The following RABL6 variants were observed in gnomAD, a reference collection of about 807,000 sequenced individuals.
The protein encoded by RABL6 is RAB, member RAS oncogene family like 6, also known as rab-like protein 6.
Under a neutral mutation model 72.9 loss-of-function variants are expected in RABL6, and 28 were observed. That is an observed-to-expected ratio of 0.38 (90% CI 0.28 to 0.53). The LOEUF is 0.53. RABL6 is among the 20% of genes least tolerant of loss of function. RABL6 has a pLI of 0.80. For missense variants in RABL6, 1,029 were observed against 1,008.4 expected (o/e 1.02, Z -0.28); for synonymous variants, 477 against 421.2 (o/e 1.13, Z -1.62).
chr9:136,839,543 G>A, intron 12 of RABL6, 57 bp downstream of exon 12: 2 of 1,572,216 alleles, frequency 1.3e-6, no homozygotes, highest in Non-Finnish European at 1.7e-6. Flanking sequence ...CCCTCCCACA[G>A]GCCTGATCTG....
chr9:136,833,932 C>T, intron 7 of RABL6: 2 of 1,549,390 alleles, frequency 1.3e-6, no homozygotes, highest in Non-Finnish European at 1.7e-6. Flanking sequence ...TAGAGAGCTC[C>T]CCACTGCTCA....
intron 1 of RABL6, chr9:136,821,407 G>GC (rs1848233526): frequency 2.0e-6 from 2 of 985,340 alleles, no homozygotes; most frequent in African/African-American, 1.7e-5. Flanking sequence ...CGCCTGAGCG[G>GC]TGCCGGGGCG....
In RABL6 at chr9:136,839,245, C is replaced by T; in HGVS notation, c.1517C>T (p.Pro506Leu). The change falls in exon 12 of 15, where the codon CCA becomes CTA. Residue 506 changes from proline (P) to leucine (L), a missense_variant. Physicochemically the swap from Pro to Leu is moderately conservative, Grantham distance 98. Around this residue, in one of 2 missense-constraint regions of RABL6, gnomAD observed 595 missense variants for 472.4 expected, o/e 1.26. Transcript: ENST00000311502. The stretch of plus-strand genomic sequence containing the variant: ...AGGTCCTCCATACCAGCTTCGAAGC[C>T]ACGGAGGGGGACAGCTCCCACGAGG... Reference protein sequence around the residue: ...TKWSSIPASKPRRGTAPTRTA... With the variant: ...TKWSSIPASKLRRGTAPTRTA... The T allele has an allele frequency of 1.9e-6, 3 of 1,602,880 alleles. No individual in the cohort carries two copies. Among genetic ancestry groups the T allele is most frequent in the Non-Finnish European group, 2.6e-6 (3 of 1,175,018 alleles).
At chr9:136,833,892 C>G in intron 7 of RABL6, 2 of 1,550,498 alleles carry the variant, frequency 1.3e-6, no homozygotes, top group East Asian at 2.4e-5. Flanking sequence ...CCTGCAGAGC[C>G]GTCCCCTCAT....
intron 1 of RABL6, among the ~76,000 whole-genome samples, chr9:136,815,853 T>C (rs1362883783): frequency 6.6e-6 from 1 of 152,244 alleles, no homozygotes; most frequent in Non-Finnish European, 1.5e-5. Context: ...AATAGAGCTC[T>C]GTGTTTTCTG....
chr9:136,829,307 G>A (rs1041239315), intron 4 of RABL6, 86 bp from the exon 5 acceptor site: 1 of 977,222 alleles, frequency 1.0e-6, no homozygotes. Flanking sequence ...CAGATTAGAA[G>A]ACTATCCAGC....
rs367673247 is a variant in RABL6, at chr9:136,825,514, C to T, written c.266-265C>T. ...AGGGGCCGTGCCCAGGATCGGGGCC[C>T]GGGAGGGAGGGGCCGTGCCCAGGAT... is the stretch of plus-strand genomic sequence containing the variant. On this transcript the variant is annotated intron_variant, in intron 2 of 14. Coordinates refer to ENST00000311502, the MANE Select transcript of RABL6 (RefSeq NM_024718.5). Among the ~76,000 whole-genome samples the T allele has an allele frequency of 6.9e-5, 10 of 144,826 alleles. No individual in the cohort carries two copies. In the East Asian group the frequency reaches 1.4e-3, roughly 20 times the overall value.
chr9:136,815,351 C>T (rs1848098343), intron 1 of RABL6: 2 of 277,246 alleles, frequency 7.2e-6, no homozygotes, highest in Non-Finnish European at 1.5e-5. Context: ...AAACTGTCAC[C>T]TTCTTGGCTG....
chr9:136,809,421 C>A, intron 1 of RABL6: 1 of 313,336 alleles, frequency 3.2e-6, no homozygotes. Flanking sequence ...CACCCAGACA[C>A]CTTTAGCAGT....
rs1463467630 is a variant in RABL6, at chr9:136,823,543, G to C, written c.149G>C (p.Gly50Ala). The change falls in exon 2 of 15, where the codon GGA (glycine) becomes GCA (alanine). Residue 50 changes from glycine (G) to alanine (A), a missense_variant. Physicochemically the swap from Gly to Ala is moderately conservative, Grantham distance 60. This residue lies in a region of RABL6 where 434 missense variants were observed against 536.1 expected (regional missense o/e 0.81). Coordinates refer to ENST00000311502, the MANE Select transcript of RABL6 (RefSeq NM_024718.5). Reference protein sequence around the residue: ...VQYNMKIVIRGDRNTGKTALW... With the variant: ...VQYNMKIVIRADRNTGKTALW... ...TCCCCAGTGAAGATAGTGATCCGGG[G>C]AGACAGGAACACGGGCAAGACAGCG... 2 of 1,613,828 alleles carry C rather than the reference G, an allele frequency of 1.2e-6. No homozygotes were observed. Among genetic ancestry groups the C allele is most frequent in the Non-Finnish European group, 1.7e-6 (2 of 1,179,874 alleles).
intron 2 of RABL6, among the ~76,000 whole-genome samples, chr9:136,824,645 C>CCTTT (rs1848314249): frequency 6.6e-6 from 1 of 151,646 alleles, no homozygotes. Context: ...GTTTTAAACA[C>CCTTT]CTTTCCTTTT....
chr9:136,815,087 T>C, intron 1 of RABL6: 1 of 221,466 alleles, frequency 4.5e-6, no homozygotes, highest in South Asian at 5.5e-5. Flanking sequence ...CTCGTCCTCA[T>C]CCCCTGAGGC....
In RABL6 at chr9:136,840,225, C is replaced by A. The variant is rs1443191483; in HGVS notation, c.1989+13C>A. 1 of 1,612,648 alleles carries A rather than the reference C, an allele frequency of 6.2e-7. No homozygotes were observed. Among genetic ancestry groups the A allele is most frequent in the East Asian group, 2.2e-5 (1 of 44,878 alleles). On this transcript the variant is annotated intron_variant, in intron 14 of 14. Transcript: ENST00000311502. ...AAAAGGCAAAGAGGTACTGGCTACT[C>A]CCCTTCCTGGCAGGCCAGGACTGGG...
In RABL6 at chr9:136,839,211, T is replaced by G; in HGVS notation, c.1494-11T>G. On this transcript the variant is annotated splice_polypyrimidine_tract_variant and intron_variant, in intron 11 of 14. Transcript: ENST00000311502. ...AGAGGACCCTGACTGACCCTCTGCT[T>G]GTCCACAAAGGTCCTCCATACCAGC... 2.5e-6 allele frequency: 4 copies of G among 1,595,384 alleles called. No homozygotes were observed. The highest frequency in any genetic ancestry group is 3.4e-6 in the Non-Finnish European group (4 of 1,170,186).
Position 136,837,389 on chromosome 9 carries a change from C to G in RABL6, c.853C>G (p.Pro285Ala). 3.1e-6 allele frequency: 5 copies of G among 1,600,386 alleles called. No homozygotes were observed. The highest frequency in any genetic ancestry group is 4.3e-6 in the Non-Finnish European group (5 of 1,174,566). Residue 285 changes from proline to alanine, a missense_variant, in exon 9 of 15, where the codon CCA (proline) becomes GCA (alanine). Around this residue, in one of 2 missense-constraint regions of RABL6, gnomAD observed 434 missense variants for 536.1 expected, o/e 0.81. Transcript: ENST00000311502. The part of the protein sequence containing the change: ...MEARSRGHAS[P>A]LAANGQSPSP... ...GGCTCGCAGCCGTGGCCATGCGTCC[C>G]CACTGGCGGCCAACGGGCAGAGCCC... is the stretch of plus-strand genomic sequence containing the variant.
intron 1 of RABL6, chr9:136,815,108 G>A (rs894258196): frequency 1.3e-5 from 3 of 233,690 alleles, no homozygotes; most frequent in South Asian, 4.9e-5. Flanking sequence ...AGGGGCACCC[G>A]CTGCTGCCTT....
At position 136,840,836 on chromosome 9, in the gene RABL6, G is replaced by A. The variant is rs776997026; in HGVS notation, c.*314G>A. On this transcript the variant is annotated 3_prime_UTR_variant, in exon 15 of 15. Coordinates refer to ENST00000311502, the MANE Select transcript of RABL6 (RefSeq NM_024718.5). The stretch of plus-strand genomic sequence containing the variant: ...TGACTGAGGCCCAGGAGGGACCTGT[G>A]AGGGTCTGTTTACAGAGGCTGGGCA... 10 of 1,546,040 alleles carry A rather than the reference G, an allele frequency of 6.5e-6. No homozygotes were observed. The highest frequency in any genetic ancestry group is 1.2e-5 in the South Asian group (1 of 83,960).
chr9:136,827,662 T>G (rs1848388054), intron 3 of RABL6: 1 of 152,430 alleles, frequency 6.6e-6, no homozygotes, highest in Non-Finnish European at 1.5e-5. Flanking sequence ...CTGTCCCCTG[T>G]ACCTTGTGAG....
intron 7 of RABL6, chr9:136,833,892 C>T (rs533722396): frequency 1.9e-5 from 30 of 1,550,498 alleles, no homozygotes; most frequent in South Asian, 5.9e-5. Flanking sequence ...CCTGCAGAGC[C>T]GTCCCCTCAT....
Sources: allele counts gnomAD v4.1 joint callset (sites outside exome capture counted in the v4.1 genomes callset), GRCh38; gene constraint gnomAD v4.1.1; regional missense constraint gnomAD v4.1.1; transcripts MANE v1.5; gene names NCBI Gene and HGNC (gene_info 2026-07-23, HGNC 2026-07-21).